The following ATXN1 variants were observed in gnomAD, a reference collection of about 807,000 sequenced individuals.
The protein encoded by ATXN1 is ataxin 1.
ATXN1 carries 8 observed loss-of-function variants against 56.4 expected under a neutral mutation model. The observed-to-expected ratio is 0.14, with a 90% CI of 0.08 to 0.26. The LOEUF (loss-of-function observed/expected upper bound fraction) is 0.26. ATXN1 is among the 10% of genes least tolerant of loss of function. ATXN1 has a pLI of 1.00. For missense variants in ATXN1, 987 were observed against 1,106.5 expected (o/e 0.89, Z 1.53); for synonymous variants, 514 against 494.6 (o/e 1.04, Z -0.52).
intron 6 of ATXN1, among the ~76,000 whole-genome samples, chr6:16,342,203 C>T (rs1203772953): frequency 6.6e-6 from 1 of 152,082 alleles, no homozygotes; most frequent in African/African-American, 2.4e-5. Context: ...ATTTTAATTA[C>T]AGCAGCCAAT....
chr6:16,389,501 T>A (rs1309805113), intron 6 of ATXN1, among the ~76,000 whole-genome samples: 1 of 152,166 alleles, frequency 6.6e-6, no homozygotes, highest in Non-Finnish European at 1.5e-5. Context: ...TCCTTTTGCC[T>A]TGAGAGTCCT....
intron 6 of ATXN1, among the ~76,000 whole-genome samples, chr6:16,463,571 G>A (rs1232466087): frequency 6.6e-6 from 1 of 152,212 alleles, no homozygotes; most frequent in Non-Finnish European, 1.5e-5. Context: ...TTTGGCAGTA[G>A]TGAATATCCA....
At chr6:16,579,472 T>C (rs989086709) in intron 4 of ATXN1, among the ~76,000 whole-genome samples, 2 of 64,980 alleles carry the variant, frequency 3.1e-5, no homozygotes, top group Non-Finnish European at 7.1e-5. Context: ...CTGAGTACCT[T>C]GGTCAAAGCC....
intron 6 of ATXN1, among the ~76,000 whole-genome samples, chr6:16,463,814 T>C (rs1045265552): frequency 6.6e-6 from 1 of 152,236 alleles, no homozygotes; most frequent in African/African-American, 2.4e-5. Flanking sequence ...CATCTTGCTA[T>C]TACTCACCTT....
intron 6 of ATXN1, among the ~76,000 whole-genome samples, chr6:16,382,110 A>C (rs1441862554): frequency 6.6e-6 from 1 of 152,136 alleles, no homozygotes; most frequent in African/African-American, 2.4e-5. Context: ...TTGGGAGGCC[A>C]AGGCAGGAGG....
At chr6:16,744,657 G>C (rs1335338484) in intron 2 of ATXN1, among the ~76,000 whole-genome samples, 1 of 152,162 alleles carries the variant, frequency 6.6e-6, no homozygotes, top group Non-Finnish European at 1.5e-5. Flanking sequence ...CTTGGAAATA[G>C]AAAGACTGGG....
chr6:16,457,658 C>T (rs189629012), intron 6 of ATXN1, among the ~76,000 whole-genome samples: 1 of 152,164 alleles, frequency 6.6e-6, no homozygotes, highest in African/African-American at 2.4e-5. Flanking sequence ...AGTGAAATAC[C>T]TTATGTCCAA....
intron 2 of ATXN1, chr6:16,738,330 A>G (rs1057453803): frequency 6.6e-6 from 1 of 152,244 alleles, no homozygotes; most frequent in Non-Finnish European, 1.5e-5. Context: ...AACACTGGCT[A>G]TTAGCTTTCA....
At chr6:16,640,558 C>T (rs576393821) in intron 3 of ATXN1, among the ~76,000 whole-genome samples, 1 of 152,046 alleles carries the variant, frequency 6.6e-6, no homozygotes, top group African/African-American at 2.4e-5. Context: ...TGGCGGGTGC[C>T]TGTAGTCTCA....
intron 4 of ATXN1, among the ~76,000 whole-genome samples, chr6:16,572,737 T>C (rs1762354509): frequency 6.6e-6 from 1 of 152,180 alleles, no homozygotes; most frequent in East Asian, 1.9e-4. Flanking sequence ...TGATATTATC[T>C]ACGTTGAAAA....
chr6:16,702,323 C>T lies in ATXN1; in HGVS notation c.-614-44422G>A, dbSNP rs554592085. 3.9e-5 allele frequency among the ~76,000 whole-genome samples: 6 copies of T among 152,262 alleles called. No individual in the cohort carries two copies. The South Asian group carries it at 6.2e-4, about 16-fold the overall frequency. ...CTGAACCCCTTCCTTACACCTTATA[C>T]AAAAATTAATTCAAGATGGATTAAA... is the stretch of plus-strand genomic sequence containing the variant. On this transcript the variant is annotated intron_variant, in intron 2 of 7. Coordinates refer to ENST00000436367, the MANE Select transcript of ATXN1 (RefSeq NM_001128164.2).
At chr6:16,603,747 G>T (rs1344983840) in intron 3 of ATXN1, among the ~76,000 whole-genome samples, 5 of 152,218 alleles carry the variant, frequency 3.3e-5, no homozygotes, top group African/African-American at 1.2e-4. Flanking sequence ...GTGAGGCACA[G>T]CAGGTGAAGT....
At chr6:16,375,621 A>G (rs1339563614) in intron 6 of ATXN1, among the ~76,000 whole-genome samples, 4 of 152,156 alleles carry the variant, frequency 2.6e-5, no homozygotes, top group Admixed American at 1.3e-4. Context: ...TGTCATTTGT[A>G]AGTGAGTGCT....
At chr6:16,613,931 A>G (rs1158113049) in intron 3 of ATXN1, among the ~76,000 whole-genome samples, 1 of 152,036 alleles carries the variant, frequency 6.6e-6, no homozygotes. Flanking sequence ...AAAAATTATT[A>G]TAGACAAACT....
intron 4 of ATXN1, among the ~76,000 whole-genome samples, chr6:16,564,249 T>C (rs1762173199): frequency 6.6e-6 from 1 of 152,144 alleles, no homozygotes. Flanking sequence ...AAAATCATTT[T>C]TGGGAGAGTG....
intron 6 of ATXN1, among the ~76,000 whole-genome samples, chr6:16,452,600 A>G (rs548154708): frequency 6.6e-6 from 1 of 152,326 alleles, no homozygotes; most frequent in African/African-American, 2.4e-5. Flanking sequence ...AAGCAGAAAT[A>G]TGGCTGATTT....
At chr6:16,759,844 G>A (rs572446397) in intron 1 of ATXN1, among the ~76,000 whole-genome samples, 188 of 152,168 alleles carry the variant, frequency 1.2e-3, no homozygotes, top group African/African-American at 4.1e-3. Flanking sequence ...GAAACAAAAT[G>A]AAAGCACAAG....
intron 6 of ATXN1, among the ~76,000 whole-genome samples, chr6:16,376,307 G>A (rs1762140500): frequency 6.6e-6 from 1 of 152,166 alleles, no homozygotes; most frequent in Non-Finnish European, 1.5e-5. Context: ...AGGCACTTTG[G>A]ACTAAATCCT....
intron 4 of ATXN1, among the ~76,000 whole-genome samples, chr6:16,556,163 C>A (rs1171782311): frequency 1.3e-5 from 2 of 152,080 alleles, no homozygotes; most frequent in African/African-American, 4.8e-5. Flanking sequence ...GACTCTTTAT[C>A]ATTTTGGTTG....
Sources: allele counts gnomAD v4.1 joint callset (sites outside exome capture counted in the v4.1 genomes callset), GRCh38; gene constraint gnomAD v4.1.1; transcripts MANE v1.5; gene names NCBI Gene and HGNC (gene_info 2026-07-23, HGNC 2026-07-21).